The following CEP70 variants were observed in gnomAD, a reference collection of about 807,000 sequenced individuals.
CEP70 encodes the protein centrosomal protein 70.
A neutral mutation model predicts 90.9 loss-of-function variants in CEP70; 70 were observed. The ratio of observed to expected loss-of-function variants is 0.77; its 90% CI spans 0.64 to 0.94. The LOEUF is 0.94. Among genes scored for constraint, CEP70 ranks in the 40% least tolerant of loss-of-function variants. The probability of loss-of-function intolerance (pLI) is 0.00; values close to 1 mark genes in which losing one functional copy is unlikely to be tolerated. For missense variants in CEP70, 648 were observed against 669.0 expected, an observed-to-expected ratio of 0.97 and a Z score of 0.35; for synonymous variants, 220 against 228.3, an observed-to-expected ratio of 0.96 and a Z score of 0.33.
intron 16 of CEP70, among the ~76,000 whole-genome samples, chr3:138,498,877 C>T (rs1482064752): frequency 2.0e-5 from 3 of 151,322 alleles, no homozygotes; most frequent in Non-Finnish European, 2.9e-5. Context: ...TGAAACCCCA[C>T]GTCTACTAAA....
intron 6 of CEP70, among the ~76,000 whole-genome samples, chr3:138,541,002 A>T (rs1231386026): frequency 6.6e-6 from 1 of 152,252 alleles, no homozygotes; most frequent in East Asian, 1.9e-4. Flanking sequence ...CAGAAAACCA[A>T]ATACTACTTG....
rs373625946 is a variant in CEP70, at chr3:138,560,473, G to GT, written c.465+9844dup. 2.7e-3 allele frequency among the ~76,000 whole-genome samples: 386 copies of GT among 144,128 alleles called. 4 individuals carry two copies. The East Asian group carries it at 0.032, about 12-fold the overall frequency. The allele number at this position is 144,128 out of a possible 152,430, so 94.6% of individuals were successfully genotyped here. A position where few individuals can be genotyped will look rare whatever the true frequency, so the allele number is the denominator to read the frequency against. ...TACTGAGCTAGGTGCAGGAGTTTTT[G>GT]TTTTTTTTTTTTCATACCCCAGTGG... On this transcript the variant is annotated intron_variant, in intron 6 of 17. Coordinates refer to ENST00000264982, the MANE Select transcript of CEP70 (RefSeq NM_024491.4).
chr3:138,506,912 AT>A lies in CEP70; in HGVS notation c.1051-1448del, dbSNP rs879518945. Among the ~76,000 whole-genome samples, 1,090 of 148,346 alleles carry A rather than the reference AT, an allele frequency of 7.3e-3. 13 individuals are homozygous for A. Among genetic ancestry groups the A allele is most frequent in the African/African-American group, 0.026 (1,034 of 40,518 alleles). Reference sequence around the variant, plus strand: ...CAAGCCACCATGCCCAGCTAATTAAATTTTTTTTTTTCTAGAGATGTGGTCT... The same window carrying A: ...CAAGCCACCATGCCCAGCTAATTAAATTTTTTTTTTCTAGAGATGTGGTCT... On this transcript the variant is annotated intron_variant, in intron 12 of 17. Coordinates refer to ENST00000264982, the MANE Select transcript of CEP70 (RefSeq NM_024491.4).
intron 3 of CEP70, among the ~76,000 whole-genome samples, chr3:138,571,729 T>A (rs1157610510): frequency 6.6e-6 from 1 of 151,270 alleles, no homozygotes; most frequent in Non-Finnish European, 1.5e-5. Context: ...TAGGCTATAA[T>A]AACTGGATAG....
At chr3:138,575,671 G>A (rs1318239316) in intron 2 of CEP70, among the ~76,000 whole-genome samples, 3 of 152,138 alleles carry the variant, frequency 2.0e-5, no homozygotes, top group Non-Finnish European at 4.4e-5. Flanking sequence ...AGGTTGAAAT[G>A]AAGGAAAAAA....
intron 11 of CEP70, among the ~76,000 whole-genome samples, chr3:138,513,525 T>C (rs1004395143): frequency 7.2e-5 from 11 of 152,142 alleles, no homozygotes; most frequent in African/African-American, 2.7e-4. Context: ...GTGAGATGAT[T>C]CCCCCCATCT....
chr3:138,557,747 C>G (rs961252635), intron 6 of CEP70, among the ~76,000 whole-genome samples: 4 of 152,174 alleles, frequency 2.6e-5, no homozygotes, highest in African/African-American at 9.6e-5. Flanking sequence ...CAAATCACCA[C>G]TAAAGTAATT....
chr3:138,539,502 A>C (rs981055979), intron 6 of CEP70, among the ~76,000 whole-genome samples: 4 of 152,220 alleles, frequency 2.6e-5, no homozygotes, highest in Non-Finnish European at 4.4e-5. Context: ...AAAAACAAAC[A>C]GAAATCCTGG....
chr3:138,540,981 C>T (rs1052152849), intron 6 of CEP70, among the ~76,000 whole-genome samples: 1 of 152,162 alleles, frequency 6.6e-6, no homozygotes, highest in Non-Finnish European at 1.5e-5. Context: ...CCTTAGCAAA[C>T]TAATGCAGAA....
intron 2 of CEP70, among the ~76,000 whole-genome samples, chr3:138,584,465 A>AG (rs2108257769): frequency 6.8e-6 from 1 of 147,774 alleles, no homozygotes; most frequent in East Asian, 1.9e-4. Flanking sequence ...ACATATCAAA[A>AG]AAAAAAAAAA....
intron 2 of CEP70, among the ~76,000 whole-genome samples, chr3:138,585,767 G>A: frequency 6.6e-6 from 1 of 152,228 alleles, no homozygotes; most frequent in East Asian, 1.9e-4. Context: ...ATTGACAAAG[G>A]TGCCAAGAAC....
chr3:138,526,960 A>G (rs1247756598), intron 10 of CEP70, among the ~76,000 whole-genome samples: 1 of 152,084 alleles, frequency 6.6e-6, no homozygotes, highest in Admixed American at 6.6e-5. Flanking sequence ...GTCAATTAGC[A>G]ATTAAAATAA....
intron 1 of CEP70, chr3:138,593,213 G>C (rs996523955): frequency 6.6e-6 from 1 of 152,136 alleles, no homozygotes; most frequent in Non-Finnish European, 1.5e-5. Flanking sequence ...TGCCTGCACA[G>C]AGTTTAATAT....
intron 6 of CEP70, among the ~76,000 whole-genome samples, chr3:138,542,348 A>G (rs1177762512): frequency 1.3e-5 from 2 of 152,230 alleles, no homozygotes; most frequent in Non-Finnish European, 2.9e-5. Context: ...ACAGAGGCCC[A>G]AAGAGGGTGT....
At chr3:138,563,601 G>A (rs75711604) in intron 6 of CEP70, among the ~76,000 whole-genome samples, 1,567 of 152,114 alleles carry the variant, frequency 0.01, 27 homozygotes, top group African/African-American at 0.037. Context: ...ATGACTACTG[G>A]GTAAACAACG....
intron 2 of CEP70, among the ~76,000 whole-genome samples, chr3:138,575,783 T>C (rs567050826): frequency 5.9e-5 from 9 of 152,052 alleles, no homozygotes; most frequent in Non-Finnish European, 7.4e-5. Context: ...CAGAAGAGAG[T>C]GGGGGCCAAT....
At chr3:138,577,718 G>GAA (rs1232237428) in intron 2 of CEP70, among the ~76,000 whole-genome samples, 4 of 151,982 alleles carry the variant, frequency 2.6e-5, no homozygotes, top group Non-Finnish European at 4.4e-5. Flanking sequence ...AAAACAAAGA[G>GAA]AAAAGCACAT....
At chr3:138,551,732 G>C (rs2039630246) in intron 6 of CEP70, among the ~76,000 whole-genome samples, 1 of 141,222 alleles carries the variant, frequency 7.1e-6, no homozygotes, top group Non-Finnish European at 1.5e-5. Context: ...GGTGACAAGA[G>C]TGAAACTCCA....
intron 2 of CEP70, among the ~76,000 whole-genome samples, chr3:138,589,491 GAAA>G (rs765699825): frequency 1.7e-5 from 2 of 116,562 alleles, no homozygotes; most frequent in Non-Finnish European, 1.9e-5. Context: ...TGTCTCTCAA[GAAA>G]AAAAAAAAAA....
Sources: allele counts gnomAD v4.1 joint callset (sites outside exome capture counted in the v4.1 genomes callset), GRCh38; gene constraint gnomAD v4.1.1; transcripts MANE v1.5; gene names NCBI Gene and HGNC (gene_info 2026-07-23, HGNC 2026-07-21).